Variants in HERC6 observed in about 807,000 individuals in gnomAD.
HERC6 encodes HECT and RLD domain containing E3 ubiquitin protein ligase family member 6.
Under a neutral mutation model 114.5 loss-of-function variants are expected in HERC6, and 101 were observed. The ratio of observed to expected loss-of-function variants is 0.88; its 90% confidence interval spans 0.75 to 1.04. The LOEUF (loss-of-function observed/expected upper bound fraction) is 1.04, where lower values mean the gene tolerates loss of function less well. Among genes scored for constraint, HERC6 ranks in the 50% least tolerant of loss-of-function variants. HERC6 has a pLI of 0.00. For missense variants in HERC6, 1,133 were observed against 1,230.9 expected (o/e 0.92, Z 1.19); for synonymous variants, 408 against 436.2 (o/e 0.94, Z 0.81).
chr4:88,437,818 A>G, intron 20 of HERC6, 37 bp downstream of exon 20: 3 of 1,299,386 alleles, frequency 2.3e-6, no homozygotes, highest in Non-Finnish European at 3.3e-6. Flanking sequence ...TTTTGAATAT[A>G]CTGTACATAA....
intron 8 of HERC6, among the ~76,000 whole-genome samples, chr4:88,402,999 C>T (rs761110649): frequency 1.9e-4 from 29 of 152,170 alleles, no homozygotes; most frequent in Admixed American, 1.5e-3. Context: ...CAAAATGATG[C>T]AGGATTTCCT....
chr4:88,413,880 T>A (rs1736271999), intron 12 of HERC6, among the ~76,000 whole-genome samples: 1 of 152,148 alleles, frequency 6.6e-6, no homozygotes, highest in African/African-American at 2.4e-5. Context: ...AATTAACTTG[T>A]AAATGATTCT....
intron 13 of HERC6, among the ~76,000 whole-genome samples, chr4:88,417,869 C>T (rs531909730): frequency 1.3e-5 from 2 of 151,654 alleles, no homozygotes; most frequent in Non-Finnish European, 2.9e-5. Flanking sequence ...TGGCTTGAGC[C>T]CAGGAATTTG....
At chr4:88,388,093 C>T (rs1578370648) in intron 3 of HERC6, among the ~76,000 whole-genome samples, 1 of 152,290 alleles carries the variant, frequency 6.6e-6, no homozygotes, top group South Asian at 2.1e-4. Flanking sequence ...GATATGTTAG[C>T]ATTTCACTGG....
At chr4:88,419,033 G>A (rs752848950) in intron 13 of HERC6, among the ~76,000 whole-genome samples, 2 of 152,100 alleles carry the variant, frequency 1.3e-5, no homozygotes, top group Admixed American at 6.6e-5. Context: ...GCCCAGATAT[G>A]TGATTTATAA....
At position 88,442,345 on chromosome 4, in the gene HERC6, G is replaced by A; in HGVS notation, c.2954G>A (p.Cys985Tyr). 2 of 1,613,710 alleles carry A rather than the reference G, an allele frequency of 1.2e-6. No individual in the cohort carries two copies. The highest frequency in any genetic ancestry group is 1.7e-6 in the Non-Finnish European group (2 of 1,179,764). Residue 985 changes from cysteine (C) to tyrosine (Y), a missense_variant, in exon 23 of 23, where the codon TGT (cysteine) becomes TAT (tyrosine). Physicochemically the swap from Cys to Tyr is radical, Grantham distance 194. Around this residue, in one of 3 missense-constraint regions of HERC6, gnomAD observed 388 missense variants for 445.9 expected, o/e 0.87. Coordinates refer to ENST00000264346, the MANE Select transcript of HERC6 (RefSeq NM_017912.4). ...AGAGATCACCCAACATCAATAACTT[G>A]TCATAATATTCTCTCCCTCCCTAAG... ...SERDHPTSIT[C>Y]HNILSLPKYS...
chr4:88,434,263 G>C (rs939593364), intron 17 of HERC6, among the ~76,000 whole-genome samples: 1 of 152,190 alleles, frequency 6.6e-6, no homozygotes. Context: ...TAGCCTCTCT[G>C]AGATTTCGGT....
chr4:88,443,096 C>T lies in HERC6; in HGVS notation c.*636C>T, dbSNP rs1386870871. 6.5e-6 allele frequency: 1 copy of T among 153,578 alleles called. No homozygotes were observed. Among genetic ancestry groups the T allele is most frequent in the Non-Finnish European group, 1.4e-5 (1 of 69,006 alleles). 9.5% of individuals were successfully genotyped at this position (153,578 alleles called of 1,614,324 possible). On this transcript the variant is annotated 3_prime_UTR_variant, in exon 23 of 23. Transcript: ENST00000264346. ...CCAATAAATCCACTCCTTCACCACC[C>T]ATTCATGCATGTCGCTCAATTCTTT...
Position 88,417,447 on chromosome 4 carries a change from A to C in HERC6, c.1581A>C (p.Gln527His). Residue 527 changes from glutamine to histidine, a missense_variant, in exon 13 of 23, where the codon CAA becomes CAC. Around this residue, in one of 3 missense-constraint regions of HERC6, gnomAD observed 735 missense variants for 754.0 expected, o/e 0.97. Coordinates refer to ENST00000264346, the MANE Select transcript of HERC6 (RefSeq NM_017912.4). ...CAGAGAAGTGTTGGGCATTTTTGCA[A>C]GAATCTTCTCTGAATCCGCTGATCC... is the stretch of plus-strand genomic sequence containing the variant. The part of the protein sequence containing the change: ...QVLKKCWAFL[Q>H]ESSLNPLIQM... 2 of 1,610,278 alleles carry C rather than the reference A, an allele frequency of 1.2e-6. No individual in the cohort carries two copies. The highest frequency in any genetic ancestry group is 2.2e-5 in the South Asian group (2 of 90,264).
intron 8 of HERC6, among the ~76,000 whole-genome samples, chr4:88,400,523 T>C (rs950267378): frequency 1.3e-5 from 2 of 152,186 alleles, no homozygotes; most frequent in African/African-American, 4.8e-5. Flanking sequence ...ATCTACAGTT[T>C]TGCTTTTCAC....
chr4:88,440,607 C>G lies in HERC6; in HGVS notation c.2842+357C>G, dbSNP rs147963959. 813 of 171,234 alleles carry G rather than the reference C, an allele frequency of 4.7e-3. 7 individuals are homozygous for G. The highest frequency in any genetic ancestry group is 5.1e-3 in the Non-Finnish European group (410 of 81,184). The allele number at this position is 171,234 out of a possible 1,614,324, so 10.6% of individuals were successfully genotyped here. A position where few individuals can be genotyped will look rare whatever the true frequency, so the allele number is the denominator to read the frequency against. On this transcript the variant is annotated intron_variant, in intron 22 of 22. Coordinates refer to ENST00000264346, the MANE Select transcript of HERC6 (RefSeq NM_017912.4). ...CCAGGTGTACCATCCGCATAGGGCACGAATCTCTGGCAGCCCCTACCCCAA... is the reference window on the plus strand; with the variant it reads ...CCAGGTGTACCATCCGCATAGGGCAGGAATCTCTGGCAGCCCCTACCCCAA...
Position 88,431,271 on chromosome 4 carries a change from C to G in HERC6, c.2216C>G (p.Pro739Arg). The G allele has an allele frequency of 6.2e-7, 1 of 1,609,208 alleles. No individual in the cohort carries two copies. The highest frequency in any genetic ancestry group is 8.5e-7 in the Non-Finnish European group (1 of 1,178,442). ...CCAGAATATGGAATGTTCATGTATC[C>G]TGAAATGGGTTCCTGCATGTGGTTT... Reference protein sequence around the residue: ...TKPEYGMFMYPEMGSCMWFPA... With the variant: ...TKPEYGMFMYREMGSCMWFPA... Residue 739 changes from proline (P) to arginine (R), a missense_variant, in exon 17 of 23, where the codon CCT becomes CGT. Pro to Arg is a moderately radical substitution (Grantham distance 103). Around this residue, in one of 3 missense-constraint regions of HERC6, gnomAD observed 388 missense variants for 445.9 expected, o/e 0.87. Transcript: ENST00000264346.
chr4:88,390,909 ATCAT>A lies in HERC6; in HGVS notation c.664+33_664+36del, dbSNP rs530238638. ...GGAGATAGTCTTGTTTGTGCAGTAA[ATCAT>A]TCTTTCTTTCCAGGTGGAAGACCAA... On this transcript the variant is annotated intron_variant, in intron 4 of 22. Transcript: ENST00000264346. The A allele has an allele frequency of 1.1e-4, 176 of 1,558,144 alleles. No homozygotes were observed. The South Asian group carries it at 1.9e-3, about 17-fold the overall frequency.
intron 5 of HERC6, 109 bp from the exon 6 acceptor site, chr4:88,395,906 T>G: frequency 1.1e-6 from 1 of 881,234 alleles, no homozygotes; most frequent in Non-Finnish European, 1.7e-6. Flanking sequence ...ATGTAGAGCT[T>G]GTGTTTCACA....
At chr4:88,439,372 GAGAA>G (rs907395032) in intron 20 of HERC6, among the ~76,000 whole-genome samples, 3 of 146,142 alleles carry the variant, frequency 2.1e-5, no homozygotes, top group Admixed American at 6.9e-5. Context: ...AGAAAGGAAA[GAGAA>G]AGAAAGAAGA....
At chr4:88,422,360 T>C (rs1420862631) in intron 13 of HERC6, among the ~76,000 whole-genome samples, 1 of 152,232 alleles carries the variant, frequency 6.6e-6, no homozygotes, top group Non-Finnish European at 1.5e-5. Flanking sequence ...TATAACCTTA[T>C]TCTGATCTCA....
rs1735774950 is a variant in HERC6 at position 88,405,508 on chromosome 4, T to A, written c.1215-46T>A. On this transcript the variant is annotated intron_variant, in intron 9 of 22. Transcript: ENST00000264346. ...GACATAATAAGATTTTCAAAAGGCATGCTTTATTATATGTTGTGACTTACC... is the reference window on the plus strand; with the variant it reads ...GACATAATAAGATTTTCAAAAGGCAAGCTTTATTATATGTTGTGACTTACC... 10 of 1,020,410 alleles carry A rather than the reference T, an allele frequency of 9.8e-6. No homozygotes were observed. In the East Asian group the frequency reaches 2.3e-4, roughly 24 times the overall value. The allele number at this position is 1,020,410 out of a possible 1,614,324, so 63.2% of individuals were successfully genotyped here.
At chr4:88,432,477 T>C (rs1738324583) in intron 17 of HERC6, among the ~76,000 whole-genome samples, 1 of 152,022 alleles carries the variant, frequency 6.6e-6, no homozygotes, top group South Asian at 2.1e-4. Context: ...ACCAGCACTT[T>C]GGGAGGCCGA....
chr4:88,418,755 C>G (rs1422133255), intron 13 of HERC6, among the ~76,000 whole-genome samples: 1 of 152,152 alleles, frequency 6.6e-6, no homozygotes, highest in Non-Finnish European at 1.5e-5. Context: ...GAGACAGAGT[C>G]TAGCCCTGTT....
Sources: gnomAD v4.1 joint callset for allele counts (sites outside exome capture counted in the v4.1 genomes callset) on GRCh38, gnomAD v4.1.1 for gene constraint, gnomAD v4.1.1 regional missense constraint, MANE v1.5 for transcripts, NCBI Gene and HGNC (gene_info 2026-07-23, HGNC 2026-07-21) for gene names.